TFCP2L1: variants seen among roughly 807,000 people sequenced by gnomAD.
TFCP2L1 encodes transcription factor CP2 like 1, also known as transcription factor CP2-like protein 1.
Under a neutral mutation model 72.2 loss-of-function variants are expected in TFCP2L1, and 12 were observed. The observed-to-expected ratio is 0.17, with a 90% confidence interval of 0.11 to 0.27. The LOEUF (loss-of-function observed/expected upper bound fraction) is 0.27. TFCP2L1 is among the 10% of genes least tolerant of loss of function. The pLI, the probability that TFCP2L1 is intolerant of heterozygous loss-of-function variation, is 1.00. For synonymous variants in TFCP2L1, 260 were observed against 251.0 expected (o/e 1.04, Z -0.34); for missense variants, 488 against 624.6 (o/e 0.78, Z 2.33).
rs1040790791 is a variant in TFCP2L1, at chr2:121,283,893, C to T, written c.62+1155G>A. On this transcript the variant is annotated intron_variant, in intron 1 of 14. Coordinates refer to ENST00000263707, the MANE Select transcript of TFCP2L1 (RefSeq NM_014553.3). The stretch of plus-strand genomic sequence containing the variant: ...CTGGGCTTCCCTCTGGTGACATCAC[C>T]GTGGTCTGCCGGGTGGCTGTCAGCC... 3.3e-5 allele frequency among the ~76,000 whole-genome samples: 5 copies of T among 152,218 alleles called. No homozygotes were observed. The East Asian group carries it at 7.7e-4, about 23-fold the overall frequency.
chr2:121,257,069 T>C (rs1007350302), intron 2 of TFCP2L1, among the ~76,000 whole-genome samples: 6 of 152,156 alleles, frequency 3.9e-5, no homozygotes, highest in African/African-American at 1.4e-4. Context: ...GGCCCAACCC[T>C]ACACTGTCAG....
intron 2 of TFCP2L1, among the ~76,000 whole-genome samples, chr2:121,276,780 CAGTA>C (rs1687156565): frequency 6.6e-6 from 1 of 151,906 alleles, no homozygotes; most frequent in Non-Finnish European, 1.5e-5. Context: ...AAATGCATTT[CAGTA>C]AGTGTTAAAA....
At chr2:121,268,412 G>C (rs906024993) in intron 2 of TFCP2L1, among the ~76,000 whole-genome samples, 1 of 151,916 alleles carries the variant, frequency 6.6e-6, no homozygotes, top group Non-Finnish European at 1.5e-5. Context: ...GGAGTGCAGT[G>C]GCACGATCTC....
At chr2:121,284,383 G>A (rs937448208) in intron 1 of TFCP2L1, among the ~76,000 whole-genome samples, 17 of 152,212 alleles carry the variant, frequency 1.1e-4, no homozygotes, top group Non-Finnish European at 2.5e-4. Flanking sequence ...ACTGCTAAGA[G>A]GGGCCTGTGG....
At chr2:121,224,673 C>T (rs886743123) in intron 14 of TFCP2L1, among the ~76,000 whole-genome samples, 1 of 152,054 alleles carries the variant, frequency 6.6e-6, no homozygotes, top group African/African-American at 2.4e-5. Context: ...ATATTATGGC[C>T]CCCAAGGCCC....
chr2:121,250,346 T>TTATATATA lies in TFCP2L1; in HGVS notation c.215-707_215-700dup, dbSNP rs71829928. The stretch of plus-strand genomic sequence containing the variant: ...GATACACCATGTTCCCAGAAGACTG[T>TTATATATA]TATATATATATATATATACACACAC... On this transcript the variant is annotated intron_variant, in intron 2 of 14. Coordinates refer to ENST00000263707, the MANE Select transcript of TFCP2L1 (RefSeq NM_014553.3). Among the ~76,000 whole-genome samples, 725 of 142,068 alleles carry TTATATATA rather than the reference T, an allele frequency of 5.1e-3. 8 individuals carry two copies. The highest frequency in any genetic ancestry group is 0.018 in the African/African-American group (675 of 37,540). 93.2% of individuals were successfully genotyped at this position (142,068 alleles called of 152,430 possible). A position where few individuals can be genotyped will look rare whatever the true frequency, so the allele number is the denominator to read the frequency against.
intron 2 of TFCP2L1, among the ~76,000 whole-genome samples, chr2:121,250,992 G>A (rs893273937): frequency 2.6e-5 from 4 of 151,342 alleles, no homozygotes; most frequent in Admixed American, 1.3e-4. Context: ...GGCCAGGCAC[G>A]GTGGCTCACA....
chr2:121,275,564 A>C (rs549335143), intron 2 of TFCP2L1, among the ~76,000 whole-genome samples: 3 of 150,740 alleles, frequency 2.0e-5, no homozygotes, highest in African/African-American at 4.9e-5. Context: ...GTATAGAAGT[A>C]AGTCTTTTTT....
At chr2:121,273,714 G>C (rs1476561819) in intron 2 of TFCP2L1, among the ~76,000 whole-genome samples, 1 of 152,190 alleles carries the variant, frequency 6.6e-6, no homozygotes, top group Non-Finnish European at 1.5e-5. Flanking sequence ...CAAGGAAGGG[G>C]AGAGGACCTG....
intron 10 of TFCP2L1, among the ~76,000 whole-genome samples, chr2:121,236,482 G>C (rs1340047057): frequency 6.6e-6 from 1 of 152,130 alleles, no homozygotes; most frequent in Non-Finnish European, 1.5e-5. Context: ...CGAGAGCCTG[G>C]TCCCACACAC....
intron 1 of TFCP2L1, among the ~76,000 whole-genome samples, chr2:121,283,438 A>G (rs746089082): frequency 5.9e-5 from 9 of 152,204 alleles, no homozygotes; most frequent in Non-Finnish European, 1.2e-4. Flanking sequence ...CCAAGAAGTG[A>G]AATAAAAAAG....
intron 6 of TFCP2L1, among the ~76,000 whole-genome samples, chr2:121,244,963 TG>T (rs1216301512): frequency 6.6e-6 from 1 of 152,112 alleles, no homozygotes; most frequent in African/African-American, 2.4e-5. Flanking sequence ...TTGGTGGACG[TG>T]GTCGGCAGAA....
chr2:121,279,265 GT>G (rs1217613597), intron 2 of TFCP2L1, among the ~76,000 whole-genome samples: 1 of 152,212 alleles, frequency 6.6e-6, no homozygotes, highest in Non-Finnish European at 1.5e-5. Flanking sequence ...AGGAAAGAAA[GT>G]GCTCAAAGGT....
intron 4 of TFCP2L1, among the ~76,000 whole-genome samples, chr2:121,248,652 T>C (rs1686539577): frequency 6.6e-6 from 1 of 152,152 alleles, no homozygotes; most frequent in African/African-American, 2.4e-5. Context: ...AGAATTCCAT[T>C]TCCATTGCCC....
intron 2 of TFCP2L1, among the ~76,000 whole-genome samples, chr2:121,271,974 T>C (rs547582627): frequency 6.6e-6 from 1 of 151,940 alleles, no homozygotes; most frequent in African/African-American, 2.4e-5. Context: ...CTCCATTCCT[T>C]CCCCCCACAA....
intron 14 of TFCP2L1, 114 bp from the exon 15 acceptor site, chr2:121,224,501 G>T: frequency 2.1e-6 from 2 of 963,962 alleles, no homozygotes; most frequent in Non-Finnish European, 1.6e-6. Context: ...CCAAAATAGG[G>T]CTGCATACAG....
At chr2:121,228,514 C>T (rs138954892) in intron 13 of TFCP2L1, among the ~76,000 whole-genome samples, 258 of 151,490 alleles carry the variant, frequency 1.7e-3, no homozygotes, top group Non-Finnish European at 3.2e-3. Context: ...AATCCCAGCA[C>T]CTTGAGAGGC....
At chr2:121,242,505 C>G in intron 6 of TFCP2L1, 36 bp from the exon 7 acceptor site, 1 of 1,601,534 alleles carries the variant, frequency 6.2e-7, no homozygotes. Context: ...CAGCCCAAAA[C>G]CAACACAGGC....
Position 121,249,653 on chromosome 2 carries a change from T to TG in TFCP2L1, c.215-7dup, listed in dbSNP as rs1192696105. 2 of 1,614,130 alleles carry TG rather than the reference T, an allele frequency of 1.2e-6. No individual in the cohort carries two copies. The highest frequency in any genetic ancestry group is 1.7e-6 in the Non-Finnish European group (2 of 1,179,944). On this transcript the variant is annotated splice_polypyrimidine_tract_variant and splice_region_variant and intron_variant, in intron 2 of 14. Transcript: ENST00000263707. ...TCGGATTTCATAAGACTGACCTGGA[T>TG]GGGGGTTAAAAGGACATTTTCCATT...
Sources: gnomAD v4.1 joint callset for allele counts (sites outside exome capture counted in the v4.1 genomes callset) on GRCh38, gnomAD v4.1.1 for gene constraint, MANE v1.5 for transcripts, NCBI Gene and HGNC (gene_info 2026-07-23, HGNC 2026-07-21) for gene names.